Variants in MACROD2 observed in about 807,000 individuals in gnomAD.
MACROD2 encodes the protein mono-ADP ribosylhydrolase 2, also known as ADP-ribose glycohydrolase MACROD2.
MACROD2 carries 36 observed loss-of-function variants against 70.4 expected under a neutral mutation model. The observed-to-expected ratio is 0.51, with a 90% CI of 0.39 to 0.68. MACROD2 has a LOEUF of 0.68. MACROD2 is among the 30% of genes least tolerant of loss of function. MACROD2 has a pLI of 0.00. For missense variants in MACROD2, 496 were observed against 538.4 expected (o/e 0.92, Z 0.78); for synonymous variants, 172 against 178.8 (o/e 0.96, Z 0.30).
intron 8 of MACROD2, among the ~76,000 whole-genome samples, chr20:15,793,490 G>A (rs568542203): frequency 2.6e-5 from 4 of 152,030 alleles, no homozygotes; most frequent in African/African-American, 9.7e-5. Flanking sequence ...ATCAAAAGCA[G>A]CAATCTGAAT....
In MACROD2 at chr20:15,128,462, C is replaced by G. The variant is rs538252321; in HGVS notation, c.419-101478C>G. On this transcript the variant is annotated intron_variant, in intron 5 of 17. Transcript: ENST00000684519. The stretch of plus-strand genomic sequence containing the variant: ...ATTGTATGAGTTCTTTAGTATTTTC[C>G]CTGGATAGGCCTTTTCTTCCCATCA... 2.0e-5 allele frequency among the ~76,000 whole-genome samples: 3 copies of G among 151,844 alleles called. No individual in the cohort carries two copies. The South Asian group carries it at 6.2e-4, about 32-fold the overall frequency.
At chr20:14,436,848 G>A (rs2084061774) in intron 3 of MACROD2, among the ~76,000 whole-genome samples, 2 of 152,292 alleles carry the variant, frequency 1.3e-5, no homozygotes, top group East Asian at 1.9e-4. Context: ...GAGACACAGT[G>A]ATGTGTATTA....
chr20:15,121,045 C>G (rs950145266), intron 5 of MACROD2, among the ~76,000 whole-genome samples: 11 of 152,172 alleles, frequency 7.2e-5, no homozygotes, highest in African/African-American at 1.7e-4. Flanking sequence ...TCTCCATTGC[C>G]TGCATGTTTT....
intron 10 of MACROD2, among the ~76,000 whole-genome samples, chr20:15,897,026 G>T (rs1174887032): frequency 6.6e-6 from 1 of 151,926 alleles, no homozygotes; most frequent in East Asian, 1.9e-4. Flanking sequence ...AAAGTTGAAA[G>T]AATATTATTG....
At chr20:15,678,975 G>T (rs951337700) in intron 8 of MACROD2, among the ~76,000 whole-genome samples, 1 of 152,116 alleles carries the variant, frequency 6.6e-6, no homozygotes, top group South Asian at 2.1e-4. Context: ...GGTGGCTCAC[G>T]CCTGTAATCC....
intron 15 of MACROD2, among the ~76,000 whole-genome samples, chr20:16,040,744 C>T (rs533268489): frequency 6.6e-6 from 1 of 151,972 alleles, no homozygotes. Flanking sequence ...CAAACAACAA[C>T]AACAACAAAA....
intron 5 of MACROD2, among the ~76,000 whole-genome samples, chr20:14,868,171 C>CT (rs1235242645): frequency 6.6e-6 from 1 of 150,672 alleles, no homozygotes; most frequent in Non-Finnish European, 1.5e-5. Context: ...TCTCCCATAT[C>CT]TTTTTCTTTT....
chr20:15,129,694 C>T (rs1250444061), intron 5 of MACROD2, among the ~76,000 whole-genome samples: 4 of 152,170 alleles, frequency 2.6e-5, no homozygotes, highest in African/African-American at 4.8e-5. Flanking sequence ...CTCTCTCTTA[C>T]GACTGATTAC....
intron 6 of MACROD2, among the ~76,000 whole-genome samples, chr20:15,414,626 C>T (rs952542196): frequency 3.9e-5 from 6 of 152,186 alleles, no homozygotes; most frequent in African/African-American, 7.2e-5. Context: ...ATAGAGCACA[C>T]GCTTCATCAT....
chr20:14,073,753 T>C (rs2053881047), intron 2 of MACROD2, among the ~76,000 whole-genome samples: 1 of 152,202 alleles, frequency 6.6e-6, no homozygotes, highest in Admixed American at 6.5e-5. Context: ...ATGTAATCAT[T>C]ATAAACAATT....
At chr20:14,506,167 A>T (rs937152511) in intron 4 of MACROD2, among the ~76,000 whole-genome samples, 1 of 152,180 alleles carries the variant, frequency 6.6e-6, no homozygotes, top group Non-Finnish European at 1.5e-5. Context: ...GATGAGGGCC[A>T]AAAGCCTGAA....
At chr20:15,834,514 C>CTCTCCCTT in intron 8 of MACROD2, among the ~76,000 whole-genome samples, 1 of 152,144 alleles carries the variant, frequency 6.6e-6, no homozygotes, top group South Asian at 2.1e-4. Context: ...AGATTCACCC[C>CTCTCCCTT]TCTCCCTTTG....
At chr20:15,969,643 A>G (rs1348376891) in intron 13 of MACROD2, among the ~76,000 whole-genome samples, 1 of 152,150 alleles carries the variant, frequency 6.6e-6, no homozygotes, top group Non-Finnish European at 1.5e-5. Flanking sequence ...ATCCAAAATT[A>G]CAGATAGTAG....
At chr20:15,571,605 T>G (rs2048376890) in intron 8 of MACROD2, among the ~76,000 whole-genome samples, 1 of 152,124 alleles carries the variant, frequency 6.6e-6, no homozygotes, top group Non-Finnish European at 1.5e-5. Context: ...TAAATTTTGC[T>G]TCTTGTGCCT....
In MACROD2 at chr20:14,893,614, T is replaced by G. The variant is rs1359350031; in HGVS notation, c.418+208655T>G. On this transcript the variant is annotated intron_variant, in intron 5 of 17. Coordinates refer to ENST00000684519, the MANE Select transcript of MACROD2 (RefSeq NM_001351661.2). ...TTGATAGATAAAAAATAATTTGTATTTATTTGACTACTAGTAAAATTTAAT... is the reference window on the plus strand; with the variant it reads ...TTGATAGATAAAAAATAATTTGTATGTATTTGACTACTAGTAAAATTTAAT... The G allele has an allele frequency of 2.0e-5, 3 of 152,242 alleles. No individual in the cohort carries two copies. In the East Asian group the frequency reaches 5.8e-4, roughly 29 times the overall value. The allele number at this position is 152,242 out of a possible 1,614,324, so 9.4% of individuals were successfully genotyped here.
intron 7 of MACROD2, among the ~76,000 whole-genome samples, chr20:15,494,760 TGTGCGC>T (rs763200596): frequency 0.023 from 1,997 of 87,922 alleles, 27 homozygotes; most frequent in African/African-American, 0.044. Flanking sequence ...TGTGTGTGTG[TGTGCGC>T]GTGTGTGTGT....
intron 6 of MACROD2, among the ~76,000 whole-genome samples, chr20:15,354,491 A>G (rs1480145871): frequency 1.3e-5 from 2 of 152,244 alleles, no homozygotes; most frequent in South Asian, 2.1e-4. Flanking sequence ...CCTAAAACTT[A>G]AAGTATAATA....
chr20:14,523,345 G>C (rs1422212612), intron 4 of MACROD2: 2 of 152,188 alleles, frequency 1.3e-5, no homozygotes, highest in Non-Finnish European at 2.9e-5. Context: ...GGAATGTTGA[G>C]TGTCTCAACC....
intron 6 of MACROD2, among the ~76,000 whole-genome samples, chr20:15,276,399 C>CAAA (rs1181200009): frequency 1.7e-5 from 1 of 59,632 alleles, no homozygotes; most frequent in Non-Finnish European, 4.3e-5. Flanking sequence ...GACTCCCTCT[C>CAAA]AAAAAAATAA....
Sources: allele counts gnomAD v4.1 joint callset (sites outside exome capture counted in the v4.1 genomes callset), GRCh38; gene constraint gnomAD v4.1.1; transcripts MANE v1.5; gene names NCBI Gene and HGNC (gene_info 2026-07-23, HGNC 2026-07-21).